The following MYBPC1 variants were observed in gnomAD, a reference collection of about 807,000 sequenced individuals.
MYBPC1 encodes myosin binding protein C1, also known as myosin-binding protein C, slow-type.
In MYBPC1, 52 loss-of-function variants were observed where a neutral mutation model predicts 147.1. The observed-to-expected ratio is 0.35, with a 90% confidence interval of 0.28 to 0.45. The LOEUF is 0.45. MYBPC1 is among the 20% of genes least tolerant of loss of function. The pLI is 1.00. For synonymous variants in MYBPC1, 477 were observed against 475.9 expected, an observed-to-expected ratio of 1.00 and a Z score of -0.03; for missense variants, 1,228 against 1,440.3, an observed-to-expected ratio of 0.85 and a Z score of 2.39.
chr12:101,624,673 C>T (rs753189884), intron 3 of MYBPC1, among the ~76,000 whole-genome samples: 2 of 131,740 alleles, frequency 1.5e-5, no homozygotes, highest in Non-Finnish European at 3.2e-5. Flanking sequence ...TATACAAGCC[C>T]GGCTAATTAA....
intron 7 of MYBPC1, 128 bp from the exon 8 acceptor site, chr12:101,631,893 G>A: frequency 7.8e-7 from 1 of 1,279,880 alleles, no homozygotes; most frequent in Non-Finnish European, 1.1e-6. Context: ...GGGGCTACAG[G>A]ACACATTTGC....
intron 30 of MYBPC1, among the ~76,000 whole-genome samples, chr12:101,683,280 C>T (rs1202403159): frequency 1.3e-5 from 2 of 151,932 alleles, no homozygotes; most frequent in Non-Finnish European, 2.9e-5. Flanking sequence ...AAGTACAAAA[C>T]TTAGCCAGGT....
At chr12:101,675,146 A>T in intron 25 of MYBPC1, 146 bp from the exon 26 acceptor site, 1 of 1,065,208 alleles carries the variant, frequency 9.4e-7, no homozygotes, top group Non-Finnish European at 1.4e-6. Flanking sequence ...TGGAAGGCAA[A>T]GGGTCTCAGA....
At chr12:101,603,709 A>G (rs1165592984) in intron 1 of MYBPC1, among the ~76,000 whole-genome samples, 1 of 152,238 alleles carries the variant, frequency 6.6e-6, no homozygotes, top group African/African-American at 2.4e-5. Context: ...TGGGAGGCCA[A>G]GGCCAGAGAA....
At chr12:101,678,043 T>C in intron 27 of MYBPC1, 59 bp from the exon 28 acceptor site, 1 of 1,567,554 alleles carries the variant, frequency 6.4e-7, no homozygotes, top group Non-Finnish European at 8.8e-7. Context: ...ATGCCACCAA[T>C]AATATATTCT....
intron 3 of MYBPC1, among the ~76,000 whole-genome samples, chr12:101,623,864 A>T (rs1887978402): frequency 6.6e-6 from 1 of 152,230 alleles, no homozygotes. Context: ...ATTATTTCAC[A>T]GTCTTCTGAA....
At chr12:101,623,176 T>G (rs1335314406) in intron 3 of MYBPC1, among the ~76,000 whole-genome samples, 2 of 152,100 alleles carry the variant, frequency 1.3e-5, no homozygotes, top group Non-Finnish European at 2.9e-5. Flanking sequence ...CTGTCTCTAC[T>G]AAAAATACAA....
downstream of MYBPC1, among the ~76,000 whole-genome samples, chr12:101,689,559 T>C (rs912820517): frequency 6.7e-6 from 1 of 149,308 alleles, no homozygotes; most frequent in African/African-American, 2.5e-5. Context: ...GAACAGCGAG[T>C]AGGAGAGGAA....
rs1017109748 is a variant in MYBPC1, at chr12:101,646,750, C to T, written c.966-13C>T. On this transcript the variant is annotated splice_polypyrimidine_tract_variant and intron_variant, in intron 12 of 31. Transcript: ENST00000361466. ...TTCACAGACTCTGTTTATTTTCATC[C>T]TATTCAAAACAGATACATCTTTGAA... is the stretch of plus-strand genomic sequence containing the variant. 1.9e-6 allele frequency: 3 copies of T among 1,612,070 alleles called. No individual in the cohort carries two copies. The highest frequency in any genetic ancestry group is 2.5e-6 in the Non-Finnish European group (3 of 1,178,294).
intron 9 of MYBPC1, among the ~76,000 whole-genome samples, chr12:101,635,463 TTTAA>T (rs747010033): frequency 6.7e-4 from 102 of 151,694 alleles, no homozygotes; most frequent in Non-Finnish European, 1.2e-3. Context: ...AAATCAAAAC[TTTAA>T]TTACTTTGAA....
At chr12:101,634,833 G>A (rs142291608) in intron 9 of MYBPC1, among the ~76,000 whole-genome samples, 6 of 152,296 alleles carry the variant, frequency 3.9e-5, no homozygotes, top group African/African-American at 1.2e-4. Context: ...AGAAGTTCCT[G>A]TTTTGGAGGT....
At chr12:101,649,496 A>G in intron 15 of MYBPC1, 70 bp downstream of exon 15, 2 of 1,549,182 alleles carry the variant, frequency 1.3e-6, no homozygotes, top group Non-Finnish European at 1.8e-6. Context: ...TCGGTTTCAG[A>G]AAAGTTTCTA....
intron 23 of MYBPC1, 44 bp downstream of exon 23, chr12:101,667,943 T>C: frequency 6.3e-7 from 1 of 1,592,234 alleles, no homozygotes; most frequent in Non-Finnish European, 8.6e-7. Flanking sequence ...TTTTACATGG[T>C]TCACTTTTTT....
chr12:101,680,851 A>G (rs73388490), intron 29 of MYBPC1, among the ~76,000 whole-genome samples: 7,902 of 152,308 alleles, frequency 0.052, 238 homozygotes, highest in South Asian at 0.15. Flanking sequence ...GAAAGGGGCT[A>G]TCACTTTGGT....
Position 101,634,640 on chromosome 12 carries a change from A to G in MYBPC1, c.608+35A>G, listed in dbSNP as rs1190990677. 5 of 1,518,844 alleles carry G rather than the reference A, an allele frequency of 3.3e-6. No homozygotes were observed. The African/African-American group carries it at 5.5e-5, about 17-fold the overall frequency. 94.1% of individuals were successfully genotyped at this position (1,518,844 alleles called of 1,614,324 possible). On this transcript the variant is annotated intron_variant, in intron 9 of 31. Transcript: ENST00000361466. ...AAAGAAAAATCTAGATAGCTTTTGT[A>G]TAACACAGAAGTGGAGGATTTTCAA...
At chr12:101,660,688 T>G (rs1565976748) in intron 19 of MYBPC1, among the ~76,000 whole-genome samples, 1 of 152,112 alleles carries the variant, frequency 6.6e-6, no homozygotes, top group Non-Finnish European at 1.5e-5. Context: ...AAAGGCCTAC[T>G]AGAGACTGGG....
chr12:101,597,628 T>C (rs996758009), intron 1 of MYBPC1, among the ~76,000 whole-genome samples: 28 of 152,206 alleles, frequency 1.8e-4, no homozygotes, highest in Non-Finnish European at 2.9e-4. Flanking sequence ...CAACGGTCCT[T>C]GTTTAGACTC....
chr12:101,616,800 T>G (rs1443177643), intron 2 of MYBPC1, among the ~76,000 whole-genome samples: 7 of 152,218 alleles, frequency 4.6e-5, no homozygotes, highest in African/African-American at 1.4e-4. Flanking sequence ...GTCCAAACTC[T>G]TGGAATCATT....
intron 16 of MYBPC1, 129 bp downstream of exon 16, chr12:101,651,522 C>A: frequency 8.3e-7 from 1 of 1,201,332 alleles, no homozygotes; most frequent in Non-Finnish European, 1.2e-6. Flanking sequence ...TGATTCTTCG[C>A]TTCCAACTAG....
Sources: allele counts gnomAD v4.1 joint callset (sites outside exome capture counted in the v4.1 genomes callset), GRCh38; gene constraint gnomAD v4.1.1; transcripts MANE v1.5; gene names NCBI Gene and HGNC (gene_info 2026-07-23, HGNC 2026-07-21).